The following MAP2K6 variants were observed in gnomAD, a reference collection of about 807,000 sequenced individuals.
The protein encoded by MAP2K6 is dual specificity mitogen-activated protein kinase kinase 6.
A neutral mutation model predicts 53.7 loss-of-function variants in MAP2K6; 16 were observed. The observed-to-expected ratio is 0.30, with a 90% CI of 0.20 to 0.45. The LOEUF (loss-of-function observed/expected upper bound fraction) is 0.45. Among genes scored for constraint, MAP2K6 ranks in the 20% least tolerant of loss-of-function variants. The pLI is 1.00. For missense variants in MAP2K6, 204 were observed against 411.9 expected (o/e 0.50, Z 4.37); for synonymous variants, 132 against 143.1 (o/e 0.92, Z 0.55).
intron 1 of MAP2K6, among the ~76,000 whole-genome samples, chr17:69,423,578 A>G (rs1412684855): frequency 1.3e-5 from 2 of 152,164 alleles, no homozygotes; most frequent in Non-Finnish European, 2.9e-5. Flanking sequence ...GTTAACCTGG[A>G]TAACTACTGC....
intron 1 of MAP2K6, among the ~76,000 whole-genome samples, chr17:69,458,180 A>G (rs1383125182): frequency 6.6e-6 from 1 of 152,040 alleles, no homozygotes. Context: ...GAGCCTCCCA[A>G]GTAGCTGGGG....
At chr17:69,509,884 C>T (rs542764896) in intron 2 of MAP2K6, among the ~76,000 whole-genome samples, 1 of 152,166 alleles carries the variant, frequency 6.6e-6, no homozygotes, top group East Asian at 1.9e-4. Flanking sequence ...CTCTGTCACC[C>T]AGGCTGGAGT....
In MAP2K6 at chr17:69,542,638, A is replaced by G. The variant is rs1911694555; in HGVS notation, c.*885A>G. The G allele has an allele frequency of 6.6e-6, 1 of 152,216 alleles. No homozygotes were observed. The highest frequency in any genetic ancestry group is 2.1e-4 in the South Asian group (1 of 4,838). 9.4% of individuals were successfully genotyped at this position (152,216 alleles called of 1,614,324 possible). ...TTGTGTGTCTATTTGGCAATTCACA[A>G]GTCCTGCCAAGTGGTTTCTATGAGC... On this transcript the variant is annotated 3_prime_UTR_variant, in exon 12 of 12. Coordinates refer to ENST00000590474, the MANE Select transcript of MAP2K6 (RefSeq NM_002758.4).
chr17:69,461,365 A>G (rs1449701907), intron 1 of MAP2K6, among the ~76,000 whole-genome samples: 2 of 152,132 alleles, frequency 1.3e-5, no homozygotes, highest in Admixed American at 6.5e-5. Flanking sequence ...TCCCGATGCA[A>G]TGGAAAGAAT....
chr17:69,440,515 CTT>C (rs1402882941), intron 1 of MAP2K6, among the ~76,000 whole-genome samples: 1 of 152,168 alleles, frequency 6.6e-6, no homozygotes, highest in Non-Finnish European at 1.5e-5. Context: ...GTGATACTTA[CTT>C]TCTCTTTAAT....
chr17:69,523,684 G>A (rs368429835), intron 8 of MAP2K6, 43 bp downstream of exon 8: 34 of 1,601,564 alleles, frequency 2.1e-5, no homozygotes, highest in African/African-American at 2.0e-4. Flanking sequence ...TGTCACTGCC[G>A]ACAAATCATG....
At chr17:69,524,311 C>A (rs1910648371) in intron 8 of MAP2K6, among the ~76,000 whole-genome samples, 1 of 151,722 alleles carries the variant, frequency 6.6e-6, no homozygotes, top group African/African-American at 2.4e-5. Context: ...TTGTTGAGGA[C>A]AAAATAGTAA....
intron 7 of MAP2K6, among the ~76,000 whole-genome samples, chr17:69,522,739 G>A (rs751316711): frequency 6.6e-6 from 1 of 151,990 alleles, no homozygotes; most frequent in South Asian, 2.1e-4. Flanking sequence ...CTGACACATC[G>A]CTAGCAGAGG....
intron 10 of MAP2K6, among the ~76,000 whole-genome samples, chr17:69,527,636 G>C (rs1027772727): frequency 3.3e-5 from 5 of 152,190 alleles, no homozygotes; most frequent in African/African-American, 9.6e-5. Flanking sequence ...GGCCATCCGG[G>C]AGAAGTAGAT....
chr17:69,508,389 T>A (rs1010580442), intron 2 of MAP2K6, among the ~76,000 whole-genome samples: 1 of 152,174 alleles, frequency 6.6e-6, no homozygotes. Context: ...TAATTTACAA[T>A]TTCTCTAGTG....
intron 1 of MAP2K6, among the ~76,000 whole-genome samples, chr17:69,493,475 C>A (rs945852356): frequency 1.3e-5 from 2 of 152,112 alleles, no homozygotes; most frequent in Non-Finnish European, 2.9e-5. Context: ...AAATACTCAG[C>A]TGCAGCTGGG....
chr17:69,463,968 G>A (rs893366155), intron 1 of MAP2K6, among the ~76,000 whole-genome samples: 1 of 151,842 alleles, frequency 6.6e-6, no homozygotes, highest in African/African-American at 2.4e-5. Context: ...GCAGCGAGCC[G>A]AGATTGCGCC....
At chr17:69,509,844 T>A (rs1281153926) in intron 2 of MAP2K6, among the ~76,000 whole-genome samples, 5 of 151,898 alleles carry the variant, frequency 3.3e-5, no homozygotes, top group African/African-American at 9.7e-5. Context: ...TTTTGATTGT[T>A]TGTTTTTGTT....
At chr17:69,520,078 G>A (rs1229736891) in intron 5 of MAP2K6, 192 bp from the exon 6 acceptor site, 6 of 547,210 alleles carry the variant, frequency 1.1e-5, no homozygotes, top group South Asian at 7.1e-5. Flanking sequence ...CTACCTACTG[G>A]TTTGCTCTTT....
chr17:69,539,496 G>T (rs1163551481), intron 11 of MAP2K6, among the ~76,000 whole-genome samples: 2 of 152,134 alleles, frequency 1.3e-5, no homozygotes, highest in South Asian at 2.1e-4. Flanking sequence ...CACACAAGAA[G>T]GCAAGTCACA....
intron 1 of MAP2K6, among the ~76,000 whole-genome samples, chr17:69,463,993 A>G (rs1567827143): frequency 6.6e-6 from 1 of 152,014 alleles, no homozygotes; most frequent in African/African-American, 2.4e-5. Context: ...CACTCCAGCT[A>G]TACATTGCAT....
At position 69,456,840 on chromosome 17, in the gene MAP2K6, G is replaced by A. The variant is rs146285326; in HGVS notation, c.16+41840G>A. ...ACTCTACAAATCCCTGCCCTGCACT[G>A]CTGCTGACTATCTTCCTACAACACA... On this transcript the variant is annotated intron_variant, in intron 1 of 11. Transcript: ENST00000590474. Among the ~76,000 whole-genome samples, 129 of 152,242 alleles carry A rather than the reference G, an allele frequency of 8.5e-4. No individual in the cohort carries two copies. The Middle Eastern group carries it at 0.01, about 12-fold the overall frequency.
At position 69,546,252 on chromosome 17, in the gene MAP2K6, C is replaced by G. The variant is rs1193642367; in HGVS notation, c.*4499C>G. On this transcript the variant is annotated 3_prime_UTR_variant, in exon 12 of 12. Transcript: ENST00000590474. ...TCTTCTTGCTTGCCATTGGCTAATTCATTTTTTAACTGCAACCCTACTCTT... is the reference window on the plus strand; with the variant it reads ...TCTTCTTGCTTGCCATTGGCTAATTGATTTTTTAACTGCAACCCTACTCTT... 6.6e-6 allele frequency: 1 copy of G among 152,242 alleles called. No homozygotes were observed. The highest frequency in any genetic ancestry group is 1.9e-4 in the East Asian group (1 of 5,174). 9.4% of individuals were successfully genotyped at this position (152,242 alleles called of 1,614,324 possible). A position where few individuals can be genotyped will look rare whatever the true frequency, so the allele number is the denominator to read the frequency against.
At chr17:69,429,877 A>G (rs1245589612) in intron 1 of MAP2K6, among the ~76,000 whole-genome samples, 1 of 152,104 alleles carries the variant, frequency 6.6e-6, no homozygotes, top group Non-Finnish European at 1.5e-5. Flanking sequence ...AAGTCACAGG[A>G]AGGTGAAGCT....
Sources: allele counts gnomAD v4.1 joint callset (sites outside exome capture counted in the v4.1 genomes callset), GRCh38; gene constraint gnomAD v4.1.1; transcripts MANE v1.5; gene names NCBI Gene and HGNC (gene_info 2026-07-23, HGNC 2026-07-21).